Variants in PRKD1 observed in about 807,000 individuals in gnomAD.
The protein encoded by PRKD1 is serine/threonine-protein kinase D1.
PRKD1 carries 63 observed loss-of-function variants against 95.9 expected under a neutral mutation model. The observed-to-expected ratio is 0.66, with a 90% CI of 0.54 to 0.81. The LOEUF (loss-of-function observed/expected upper bound fraction) is 0.81, where lower values mean the gene tolerates loss of function less well. PRKD1 is among the 30% of genes least tolerant of loss of function. The probability of loss-of-function intolerance (pLI) is 0.00; values close to 1 mark genes in which losing one functional copy is unlikely to be tolerated. For missense variants in PRKD1, 1,048 were observed against 1,165.3 expected, an observed-to-expected ratio of 0.90 and a Z score of 1.47; for synonymous variants, 425 against 423.1, an observed-to-expected ratio of 1.00 and a Z score of -0.05.
intron 1 of PRKD1, among the ~76,000 whole-genome samples, chr14:29,771,449 T>C (rs557679613): frequency 2.6e-5 from 4 of 152,150 alleles, no homozygotes; most frequent in Non-Finnish European, 4.4e-5. Flanking sequence ...CCACCCCATG[T>C]TGGCTGCTCT....
chr14:29,814,732 C>T (rs1188953473), intron 1 of PRKD1, among the ~76,000 whole-genome samples: 2 of 152,204 alleles, frequency 1.3e-5, no homozygotes, highest in Non-Finnish European at 2.9e-5. Context: ...GACACAAATA[C>T]AGCTTTGTAT....
At chr14:29,595,341 C>T (rs2078667957) in intron 16 of PRKD1, among the ~76,000 whole-genome samples, 1 of 152,118 alleles carries the variant, frequency 6.6e-6, no homozygotes, top group South Asian at 2.1e-4. Flanking sequence ...TGGTAAAGTC[C>T]AAAGTGATTC....
At chr14:29,652,691 T>C (rs1881584771) in intron 4 of PRKD1, 1 of 152,226 alleles carries the variant, frequency 6.6e-6, no homozygotes, top group Admixed American at 6.5e-5. Context: ...TTCTGGCAAA[T>C]GTACTACATG....
chr14:29,619,137 C>T (rs888560626), intron 13 of PRKD1, among the ~76,000 whole-genome samples: 3 of 151,990 alleles, frequency 2.0e-5, no homozygotes, highest in African/African-American at 7.3e-5. Flanking sequence ...GAAAATCTTC[C>T]TCTCCATTCA....
At chr14:29,581,270 A>C (rs2138952087) in intron 16 of PRKD1, among the ~76,000 whole-genome samples, 1 of 152,240 alleles carries the variant, frequency 6.6e-6, no homozygotes, top group Middle Eastern at 3.4e-3. Context: ...CCCTGTTAAA[A>C]TTCAGTGATC....
At chr14:29,762,178 A>G (rs1888024126) in intron 1 of PRKD1, among the ~76,000 whole-genome samples, 1 of 152,186 alleles carries the variant, frequency 6.6e-6, no homozygotes, top group Non-Finnish European at 1.5e-5. Flanking sequence ...TTGGATAAAC[A>G]CACTAGTTTT....
intron 4 of PRKD1, among the ~76,000 whole-genome samples, chr14:29,660,575 C>T (rs900346964): frequency 1.3e-5 from 2 of 152,076 alleles, no homozygotes; most frequent in African/African-American, 4.8e-5. Context: ...GAGAGTTTAT[C>T]TGATTAAAGT....
intron 13 of PRKD1, among the ~76,000 whole-genome samples, chr14:29,602,830 T>A (rs1893571330): frequency 6.6e-6 from 1 of 152,148 alleles, no homozygotes; most frequent in Non-Finnish European, 1.5e-5. Flanking sequence ...GGGTAGAACT[T>A]TAATACATGT....
At chr14:29,700,178 T>TA (rs1038816392) in intron 2 of PRKD1, among the ~76,000 whole-genome samples, 1 of 151,982 alleles carries the variant, frequency 6.6e-6, no homozygotes. Context: ...TACATTTCTT[T>TA]AAAAAAACCA....
chr14:29,901,089 T>C (rs372258281), intron 1 of PRKD1, among the ~76,000 whole-genome samples: 97 of 152,318 alleles, frequency 6.4e-4, no homozygotes, highest in African/African-American at 2.2e-3. Flanking sequence ...AATCTACCTA[T>C]GTGCCCTTCA....
At chr14:29,643,302 A>C (rs1880921015) in intron 4 of PRKD1, among the ~76,000 whole-genome samples, 1 of 152,190 alleles carries the variant, frequency 6.6e-6, no homozygotes. Context: ...TGCATGGGAG[A>C]TAATATGAGA....
At chr14:29,869,629 G>A (rs1218645510) in intron 1 of PRKD1, among the ~76,000 whole-genome samples, 2 of 152,116 alleles carry the variant, frequency 1.3e-5, no homozygotes, top group Non-Finnish European at 2.9e-5. Flanking sequence ...TTAGATAAAA[G>A]TATAAATATA....
chr14:29,786,744 C>T (rs61979963), intron 1 of PRKD1, among the ~76,000 whole-genome samples: 27,400 of 151,736 alleles, frequency 0.18, 2,700 homozygotes, highest in South Asian at 0.25. Flanking sequence ...TCACGGTTAG[C>T]GTAACTAGTG....
intron 1 of PRKD1, among the ~76,000 whole-genome samples, chr14:29,728,931 G>A (rs12885125): frequency 0.18 from 26,988 of 151,974 alleles, 2,644 homozygotes; most frequent in South Asian, 0.26. Context: ...GCCTTCCAAT[G>A]TCTTTTCCCT....
intron 1 of PRKD1, among the ~76,000 whole-genome samples, chr14:29,925,588 A>C (rs1376345483): frequency 2.0e-5 from 3 of 151,872 alleles, no homozygotes; most frequent in Admixed American, 6.6e-5. Flanking sequence ...AAATCCCACT[A>C]CCAAACCTCT....
At chr14:29,852,556 A>G (rs113007568) in intron 1 of PRKD1, among the ~76,000 whole-genome samples, 4 of 139,168 alleles carry the variant, frequency 2.9e-5, no homozygotes, top group Non-Finnish European at 6.1e-5. Flanking sequence ...GAGAGAGAGA[A>G]AGAGAGGCAT....
At chr14:29,635,244 G>T (rs1188279254) in intron 7 of PRKD1, among the ~76,000 whole-genome samples, 2 of 152,010 alleles carry the variant, frequency 1.3e-5, no homozygotes, top group African/African-American at 4.8e-5. Context: ...TATTCAACAT[G>T]AATTTTTAGT....
intron 2 of PRKD1, among the ~76,000 whole-genome samples, chr14:29,716,443 T>TG (rs1403761335): frequency 1.3e-5 from 2 of 152,092 alleles, no homozygotes; most frequent in Non-Finnish European, 2.9e-5. Flanking sequence ...TTCTGCTAAA[T>TG]GGATAAAACT....
At chr14:29,595,445 C>T (rs1893265637) in intron 16 of PRKD1, among the ~76,000 whole-genome samples, 2 of 152,132 alleles carry the variant, frequency 1.3e-5, no homozygotes, top group Admixed American at 6.6e-5. Flanking sequence ...TAACTCGTCT[C>T]CCCAACTAAC....
Sources: gnomAD v4.1 joint callset for allele counts (sites outside exome capture counted in the v4.1 genomes callset) on GRCh38, gnomAD v4.1.1 for gene constraint, MANE v1.5 for transcripts, NCBI Gene and HGNC (gene_info 2026-07-23, HGNC 2026-07-21) for gene names.